The following AOAH variants were observed in gnomAD, a reference collection of about 807,000 sequenced individuals.
AOAH encodes the protein acyloxyacyl hydrolase, also known as acyloxyacyl hydrolase (neutrophil).
AOAH carries 64 observed loss-of-function variants against 92.2 expected under a neutral mutation model. The observed-to-expected ratio is 0.69, with a 90% confidence interval of 0.57 to 0.86. The LOEUF is 0.86. Among genes scored for constraint, AOAH ranks in the 40% least tolerant of loss-of-function variants. AOAH has a pLI of 0.00. For missense variants in AOAH, 656 were observed against 694.6 expected, an observed-to-expected ratio of 0.94 and a Z score of 0.62; for synonymous variants, 263 against 254.5, an observed-to-expected ratio of 1.03 and a Z score of -0.32.
chr7:36,514,598 C>T (rs1790231014), intron 20 of AOAH: 5 of 1,531,704 alleles, frequency 3.3e-6, no homozygotes, highest in Non-Finnish European at 4.4e-6. Flanking sequence ...TCTCTGCAAA[C>T]AATGCCCTCA....
intron 11 of AOAH, among the ~76,000 whole-genome samples, chr7:36,607,503 C>T (rs1398044513): frequency 6.6e-6 from 1 of 152,160 alleles, no homozygotes; most frequent in Admixed American, 6.5e-5. Context: ...GAGACAACTC[C>T]TTCCTTTTTC....
At chr7:36,523,349 T>C (rs1001301960) in intron 19 of AOAH, among the ~76,000 whole-genome samples, 13 of 152,362 alleles carry the variant, frequency 8.5e-5, no homozygotes, top group East Asian at 5.8e-4. Context: ...CTGTGTTATA[T>C]GGTGTCCGCC....
At chr7:36,640,817 C>T (rs1224188803) in intron 4 of AOAH, among the ~76,000 whole-genome samples, 5 of 152,046 alleles carry the variant, frequency 3.3e-5, no homozygotes, top group Admixed American at 3.3e-4. Flanking sequence ...CTGGGCATCA[C>T]CCAAGGCTAG....
At chr7:36,618,439 G>A in intron 9 of AOAH, 94 bp from the exon 10 acceptor site, 1 of 1,096,734 alleles carries the variant, frequency 9.1e-7, no homozygotes, top group South Asian at 1.3e-5. Flanking sequence ...AAGCACAAAG[G>A]CAAATGAGTA....
intron 13 of AOAH, among the ~76,000 whole-genome samples, chr7:36,558,399 G>T (rs921080809): frequency 6.6e-6 from 1 of 152,224 alleles, no homozygotes; most frequent in South Asian, 2.1e-4. Flanking sequence ...GCCCCTACTG[G>T]GGGGTGCCTC....
At chr7:36,535,003 T>A (rs575800872) in intron 16 of AOAH, among the ~76,000 whole-genome samples, 1 of 117,084 alleles carries the variant, frequency 8.5e-6, no homozygotes, top group Admixed American at 8.9e-5. Context: ...TCTGCTTGTG[T>A]GTATCTGTGT....
chr7:36,536,842 G>A (rs933703052), intron 16 of AOAH, among the ~76,000 whole-genome samples: 4 of 151,472 alleles, frequency 2.6e-5, no homozygotes, highest in East Asian at 1.9e-4. Flanking sequence ...CCAGCTACTC[G>A]GGGGAGCTGA....
At chr7:36,562,723 T>C (rs1034412293) in intron 13 of AOAH, among the ~76,000 whole-genome samples, 6 of 152,176 alleles carry the variant, frequency 3.9e-5, no homozygotes, top group African/African-American at 1.2e-4. Flanking sequence ...ATGATCTCTC[T>C]AGTACTTTTT....
chr7:36,599,004 T>G (rs1790347288), intron 11 of AOAH, among the ~76,000 whole-genome samples: 1 of 152,220 alleles, frequency 6.6e-6, no homozygotes, highest in South Asian at 2.1e-4. Context: ...AGAAAAATTT[T>G]CCAAACTTAA....
chr7:36,578,450 T>C (rs958084706), intron 12 of AOAH, among the ~76,000 whole-genome samples: 1 of 152,200 alleles, frequency 6.6e-6, no homozygotes, highest in African/African-American at 2.4e-5. Context: ...CTTGAGGTGG[T>C]GAGTCTCACA....
At chr7:36,664,316 T>A (rs929032557) in intron 3 of AOAH, among the ~76,000 whole-genome samples, 1 of 152,194 alleles carries the variant, frequency 6.6e-6, no homozygotes, top group South Asian at 2.1e-4. Flanking sequence ...TGTGTCTGGA[T>A]TCATTTTTTT....
chr7:36,569,703 C>T (rs775015047), intron 13 of AOAH, among the ~76,000 whole-genome samples: 6 of 152,070 alleles, frequency 3.9e-5, no homozygotes, highest in East Asian at 1.9e-4. Context: ...CTCCGCCTCC[C>T]GGGTTTAAGT....
chr7:36,666,490 A>C (rs958231299), intron 3 of AOAH, among the ~76,000 whole-genome samples: 1 of 151,986 alleles, frequency 6.6e-6, no homozygotes, highest in African/African-American at 2.4e-5. Context: ...TTTTCAAAAA[A>C]TCTAGCTTTT....
chr7:36,658,850 G>A (rs1462232514), intron 4 of AOAH, among the ~76,000 whole-genome samples: 1 of 152,178 alleles, frequency 6.6e-6, no homozygotes, highest in African/African-American at 2.4e-5. Context: ...CACTCTGTGA[G>A]AGTGACTTGC....
intron 13 of AOAH, among the ~76,000 whole-genome samples, chr7:36,557,605 G>A (rs1284948169): frequency 3.9e-5 from 6 of 152,154 alleles, no homozygotes; most frequent in Admixed American, 3.3e-4. Flanking sequence ...CATTCTCCCT[G>A]TCACTTTCAG....
chr7:36,699,177 G>A (rs1397516345), intron 1 of AOAH, among the ~76,000 whole-genome samples: 2 of 151,938 alleles, frequency 1.3e-5, no homozygotes, highest in Admixed American at 6.6e-5. Flanking sequence ...ATTGTGTATC[G>A]TACCATATTT....
intron 1 of AOAH, among the ~76,000 whole-genome samples, chr7:36,706,367 A>G (rs1348982255): frequency 6.6e-6 from 1 of 152,278 alleles, no homozygotes; most frequent in East Asian, 1.9e-4. Context: ...AGGTCTCCAC[A>G]GTGAGCTCAA....
intron 13 of AOAH, among the ~76,000 whole-genome samples, chr7:36,560,613 C>T (rs181840438): frequency 3.0e-4 from 46 of 152,284 alleles, no homozygotes; most frequent in South Asian, 2.1e-3. Flanking sequence ...AGTTGTTTAT[C>T]AGTTCCAGGA....
intron 13 of AOAH, among the ~76,000 whole-genome samples, chr7:36,565,353 A>G (rs1787617680): frequency 6.6e-6 from 1 of 152,130 alleles, no homozygotes; most frequent in Admixed American, 6.5e-5. Flanking sequence ...CTCACCAGAT[A>G]TTTACTGAGT....
Sources: gnomAD v4.1 joint callset for allele counts (sites outside exome capture counted in the v4.1 genomes callset) on GRCh38, gnomAD v4.1.1 for gene constraint, MANE v1.5 for transcripts, NCBI Gene and HGNC (gene_info 2026-07-23, HGNC 2026-07-21) for gene names.